Variants in SHLD1 observed in about 807,000 individuals in gnomAD.
SHLD1 encodes the protein shieldin complex subunit 1.
SHLD1 carries 3 observed loss-of-function variants against 5.5 expected under a neutral mutation model. The observed-to-expected ratio is 0.54, with a 90% CI of 0.25 to 1.40. The LOEUF is 1.40. SHLD1 is among the 40% of genes most tolerant of loss of function. SHLD1 has a pLI of 0.15. For synonymous variants in SHLD1, 92 were observed against 94.3 expected (o/e 0.98, Z 0.14); for missense variants, 210 against 244.4 (o/e 0.86, Z 0.94).
intron 2 of SHLD1, among the ~76,000 whole-genome samples, chr20:5,783,372 C>T (rs534104619): frequency 2.0e-5 from 3 of 152,184 alleles, no homozygotes; most frequent in East Asian, 3.9e-4. Context: ...TACAGGAGCC[C>T]GCCACCACAC....
At chr20:5,824,408 G>A (rs551405638) in intron 2 of SHLD1, among the ~76,000 whole-genome samples, 1 of 152,178 alleles carries the variant, frequency 6.6e-6, no homozygotes, top group South Asian at 2.1e-4. Flanking sequence ...ACTGCCTGTG[G>A]TTAAATTCCT....
chr20:5,837,805 A>AT (rs34196438), intron 2 of SHLD1, among the ~76,000 whole-genome samples: 4 of 151,988 alleles, frequency 2.6e-5, no homozygotes, highest in South Asian at 2.1e-4. Flanking sequence ...AATTTTTCTT[A>AT]TTTTTTTGAT....
At chr20:5,805,376 T>C (rs2087359285) in intron 2 of SHLD1, among the ~76,000 whole-genome samples, 1 of 152,082 alleles carries the variant, frequency 6.6e-6, no homozygotes, top group African/African-American at 2.4e-5. Flanking sequence ...AGGCTGGTCT[T>C]GAACTCCAGA....
upstream of SHLD1, chr20:5,750,351 T>G (rs1983652805): frequency 6.6e-6 from 1 of 151,956 alleles, no homozygotes; most frequent in Non-Finnish European, 1.5e-5. Flanking sequence ...TCCGGTGACT[T>G]CCTTCGAACC....
At chr20:5,819,909 G>T (rs1047968339) in intron 2 of SHLD1, among the ~76,000 whole-genome samples, 2 of 152,098 alleles carry the variant, frequency 1.3e-5, no homozygotes, top group Non-Finnish European at 2.9e-5. Flanking sequence ...GAGTTCTGGT[G>T]GATACATAAT....
At chr20:5,774,128 C>T (rs1409899945) in intron 2 of SHLD1, among the ~76,000 whole-genome samples, 2 of 152,014 alleles carry the variant, frequency 1.3e-5, no homozygotes, top group Non-Finnish European at 2.9e-5. Flanking sequence ...CGCTTGAACC[C>T]GGAAGGTGGA....
In SHLD1 at chr20:5,814,452, T is replaced by A. The variant is rs77492254; in HGVS notation, c.178+41409T>A. 4.2e-4 allele frequency among the ~76,000 whole-genome samples: 64 copies of A among 152,198 alleles called. 3 individuals carry two copies. In the East Asian group the frequency reaches 0.012, roughly 29 times the overall value. On this transcript the variant is annotated intron_variant, in intron 2 of 2. Transcript: ENST00000303142. Reference sequence around the variant, plus strand: ...TGGCTTATTTAGGAATATCTGTATATTTTTTGTTAAATGTTCTAGAATTTA... The same window carrying A: ...TGGCTTATTTAGGAATATCTGTATAATTTTTGTTAAATGTTCTAGAATTTA...
intron 2 of SHLD1, among the ~76,000 whole-genome samples, chr20:5,853,979 A>G (rs1416673980): frequency 6.6e-6 from 1 of 150,882 alleles, no homozygotes; most frequent in East Asian, 1.9e-4. Context: ...AGCTGGGACT[A>G]TAGGCATTCA....
upstream of SHLD1, chr20:5,750,358 A>G (rs935881346): frequency 2.0e-5 from 3 of 151,878 alleles, no homozygotes; most frequent in Non-Finnish European, 4.4e-5. Flanking sequence ...ACTTCCTTCG[A>G]ACCTCACATT....
At chr20:5,770,266 G>C (rs921480487) in intron 1 of SHLD1, among the ~76,000 whole-genome samples, 2 of 152,150 alleles carry the variant, frequency 1.3e-5, no homozygotes, top group Non-Finnish European at 2.9e-5. Context: ...AAGTGTTGCT[G>C]CGAAGTTGTA....
chr20:5,758,323 A>G (rs868603477), intron 1 of SHLD1, among the ~76,000 whole-genome samples: 838 of 31,036 alleles, frequency 0.027, 12 homozygotes, highest in African/African-American at 0.094. Context: ...AAGGGAAGGG[A>G]GGGGAGGGGA....
At chr20:5,859,081 G>A (rs1011724892) in intron 2 of SHLD1, among the ~76,000 whole-genome samples, 2 of 152,092 alleles carry the variant, frequency 1.3e-5, no homozygotes, top group African/African-American at 4.8e-5. Context: ...TTGTTGTGGG[G>A]TAAAAAAGCC....
intron 2 of SHLD1, among the ~76,000 whole-genome samples, chr20:5,838,137 G>T (rs935364524): frequency 6.6e-6 from 1 of 152,190 alleles, no homozygotes; most frequent in African/African-American, 2.4e-5. Flanking sequence ...TTTAGAGAAT[G>T]GGGCAAGGGA....
intron 2 of SHLD1, 182 bp downstream of exon 2, chr20:5,773,225 A>G: frequency 1.4e-6 from 1 of 736,054 alleles, no homozygotes; most frequent in Non-Finnish European, 2.5e-6. Flanking sequence ...CTTACCTGGC[A>G]CAGCAATGAC....
At chr20:5,759,871 T>TA (rs546668216) in intron 1 of SHLD1, among the ~76,000 whole-genome samples, 262 of 152,042 alleles carry the variant, frequency 1.7e-3, no homozygotes, top group African/African-American at 5.8e-3. Flanking sequence ...TTTTATATCT[T>TA]AAAAAAAATG....
chr20:5,829,294 C>T (rs887815087), intron 2 of SHLD1, among the ~76,000 whole-genome samples: 2 of 152,106 alleles, frequency 1.3e-5, no homozygotes, highest in African/African-American at 4.8e-5. Flanking sequence ...GCCTACAAGC[C>T]TTAATTTATT....
chr20:5,816,089 G>GAAAAAAAAA (rs141881349), intron 2 of SHLD1, among the ~76,000 whole-genome samples: 64 of 86,246 alleles, frequency 7.4e-4, no homozygotes, highest in African/African-American at 1.3e-3. Context: ...TCAAAAAAAC[G>GAAAAAAAAA]AAAAAAAAAA....
At chr20:5,849,457 T>C (rs1299964939) in intron 2 of SHLD1, among the ~76,000 whole-genome samples, 1 of 152,236 alleles carries the variant, frequency 6.6e-6, no homozygotes, top group Non-Finnish European at 1.5e-5. Context: ...AGACACCTTA[T>C]TGTTTATAAC....
chr20:5,811,107 G>A (rs1368411244), intron 2 of SHLD1, among the ~76,000 whole-genome samples: 3 of 152,034 alleles, frequency 2.0e-5, no homozygotes, highest in African/African-American at 4.8e-5. Context: ...AGGGGTGATC[G>A]ATGCCAAGTA....
Sources: gnomAD v4.1 joint callset for allele counts (sites outside exome capture counted in the v4.1 genomes callset) on GRCh38, gnomAD v4.1.1 for gene constraint, MANE v1.5 for transcripts, NCBI Gene and HGNC (gene_info 2026-07-23, HGNC 2026-07-21) for gene names.